MYL10: variants seen among roughly 807,000 people sequenced by gnomAD.
MYL10 encodes myosin regulatory light chain 10.
A neutral mutation model predicts 21.9 loss-of-function variants in MYL10; 18 were observed. That is an observed-to-expected ratio of 0.82 (90% CI 0.57 to 1.22). The LOEUF is 1.22. Among genes scored for constraint, MYL10 ranks in the 50% most tolerant of loss-of-function variants. The probability of loss-of-function intolerance (pLI) is 0.00; values close to 1 mark genes in which losing one functional copy is unlikely to be tolerated. For synonymous variants in MYL10, 88 were observed against 82.8 expected, an observed-to-expected ratio of 1.06 and a Z score of -0.34; for missense variants, 225 against 230.4, an observed-to-expected ratio of 0.98 and a Z score of 0.15.
In MYL10 at chr7:101,613,572, AC is replaced by A; in HGVS notation, c.583del (p.Val195SerfsTer51). 6.2e-7 allele frequency: 1 copy of A among 1,614,060 alleles called. No homozygotes were observed. The highest frequency in any genetic ancestry group is 8.5e-7 in the Non-Finnish European group (1 of 1,179,966). ...GGGAAATGCTGCAAACATCTGCTTGACCTGAGAAGGAGCAGAGAGTCAGCCT... is the reference window on the plus strand; with the variant it reads ...GGGAAATGCTGCAAACATCTGCTTGACTGAGAAGGAGCAGAGAGTCAGCCT... ...TQADRFSEEEVKQMFAAFPPD... is the reference protein window; with the variant it reads ...TQADRFSEEEXKQMFAAFPPD... On this transcript the variant is annotated frameshift_variant and splice_region_variant, in exon 8 of 8. Coordinates refer to ENST00000223167, the MANE Select transcript of MYL10 (RefSeq NM_138403.5). LOFTEE classifies it high-confidence loss of function.
chr7:101,616,773 C>T (rs116585240), intron 5 of MYL10, among the ~76,000 whole-genome samples: 87 of 152,206 alleles, frequency 5.7e-4, no homozygotes, highest in African/African-American at 2.0e-3. Flanking sequence ...GAGTTCTGTA[C>T]GTGGATGCCA....
chr7:101,618,754 C>T lies in MYL10; in HGVS notation c.455-2456G>A, dbSNP rs922588315. Among the ~76,000 whole-genome samples, 8 of 152,082 alleles carry T rather than the reference C, an allele frequency of 5.3e-5. No individual in the cohort carries two copies. In the Middle Eastern group the frequency reaches 0.017, roughly 323 times the overall value. The stretch of plus-strand genomic sequence containing the variant: ...ACCAGCCTCTCACGCAGTCTGGCCA[C>T]GTCTGCATGACAGGCTCAGCCGGAG... On this transcript the variant is annotated intron_variant, in intron 5 of 7. Coordinates refer to ENST00000223167, the MANE Select transcript of MYL10 (RefSeq NM_138403.5).
Position 101,613,471 on chromosome 7 carries a change from T to C in MYL10, c.*4A>G. 6.2e-7 allele frequency: 1 copy of C among 1,612,828 alleles called. No homozygotes were observed. Among genetic ancestry groups the C allele is most frequent in the Non-Finnish European group, 8.5e-7 (1 of 1,178,842 alleles). On this transcript the variant is annotated 3_prime_UTR_variant, in exon 8 of 8. Transcript: ENST00000223167. ...CCCTGAATGTCGGGGAGACTTGTGA[T>C]CCCCTAATCCTTCTCTTCACCGTGA...
At chr7:101,625,712 T>C (rs1023415121) in intron 1 of MYL10, among the ~76,000 whole-genome samples, 2 of 152,224 alleles carry the variant, frequency 1.3e-5, no homozygotes, top group African/African-American at 4.8e-5. Context: ...GACGTTATGA[T>C]GCTGTAAAAC....
chr7:101,615,861 AT>A (rs1257901380), intron 6 of MYL10, among the ~76,000 whole-genome samples: 1 of 150,914 alleles, frequency 6.6e-6, no homozygotes, highest in Non-Finnish European at 1.5e-5. Flanking sequence ...TGCCTGGCTA[AT>A]TTTTTTTATT....
At chr7:101,614,326 T>G (rs1796584398) in intron 6 of MYL10, among the ~76,000 whole-genome samples, 1 of 152,220 alleles carries the variant, frequency 6.6e-6, no homozygotes, top group Non-Finnish European at 1.5e-5. Flanking sequence ...CAGGCCTCGC[T>G]AAGGACCAAT....
intron 5 of MYL10, among the ~76,000 whole-genome samples, chr7:101,618,948 T>C (rs1387991423): frequency 3.3e-5 from 5 of 152,142 alleles, no homozygotes; most frequent in Admixed American, 3.3e-4. Flanking sequence ...CAGAGTCCCC[T>C]CCCCTTCCCC....
At chr7:101,624,386 A>G (rs1796720648) in intron 1 of MYL10, 122 bp from the exon 2 acceptor site, 1 of 667,280 alleles carries the variant, frequency 1.5e-6, no homozygotes, top group Non-Finnish European at 2.6e-6. Context: ...CCCGGTGCCT[A>G]CAGCAGACAG....
chr7:101,626,346 C>G (rs2130745070), intron 1 of MYL10, among the ~76,000 whole-genome samples: 1 of 152,318 alleles, frequency 6.6e-6, no homozygotes, highest in East Asian at 1.9e-4. Flanking sequence ...AGATCACAGT[C>G]CCGCTGGTGA....
chr7:101,626,592 T>C lies in MYL10; in HGVS notation c.79-2328A>G, dbSNP rs185524996. The stretch of plus-strand genomic sequence containing the variant: ...GCAGGAACCCAGAGCAAGCCCTGCG[T>C]CACATGAGGTGCACAGGCAAAGGTG... On this transcript the variant is annotated intron_variant, in intron 1 of 7. Coordinates refer to ENST00000223167, the MANE Select transcript of MYL10 (RefSeq NM_138403.5). 4.6e-3 allele frequency among the ~76,000 whole-genome samples: 695 copies of C among 152,190 alleles called. 4 individuals carry two copies. The highest frequency in any genetic ancestry group is 0.016 in the African/African-American group (667 of 41,526).
At chr7:101,624,447 A>G (rs1796721275) in intron 1 of MYL10, among the ~76,000 whole-genome samples, 183 bp from the exon 2 acceptor site, 1 of 152,102 alleles carries the variant, frequency 6.6e-6, no homozygotes. Flanking sequence ...TTCCCAGCCC[A>G]TGGCAAGAAG....
At chr7:101,621,152 C>T (rs551388097) in intron 5 of MYL10, among the ~76,000 whole-genome samples, 2 of 152,126 alleles carry the variant, frequency 1.3e-5, no homozygotes, top group Admixed American at 6.5e-5. Context: ...AGAGCTCCCC[C>T]GAGGCCAGGA....
chr7:101,617,373 A>G lies in MYL10; in HGVS notation c.455-1075T>C, dbSNP rs143238873. On this transcript the variant is annotated intron_variant, in intron 5 of 7. Transcript: ENST00000223167. ...ATCCCCTGGAGCTCTGAGAGCACCC[A>G]TGGAGTAGATGTGGATATCTTGGTT... Among the ~76,000 whole-genome samples the G allele has an allele frequency of 7.1e-4, 108 of 152,376 alleles. 1 individual carries two copies. Among genetic ancestry groups the G allele is most frequent in the African/African-American group, 1.0e-3 (42 of 41,608 alleles).
intron 1 of MYL10, among the ~76,000 whole-genome samples, chr7:101,628,768 G>T (rs1796774859): frequency 6.6e-6 from 1 of 152,234 alleles, no homozygotes; most frequent in Non-Finnish European, 1.5e-5. Context: ...GGTCCCCAGG[G>T]GCTGGAGAGC....
At chr7:101,627,653 T>A (rs1197219683) in intron 1 of MYL10, 1 of 152,496 alleles carries the variant, frequency 6.6e-6, no homozygotes, top group African/African-American at 2.4e-5. Context: ...TCAGAGTGGA[T>A]AGGGTTGGGG....
At chr7:101,622,830 C>A (rs1335184176) in intron 4 of MYL10, among the ~76,000 whole-genome samples, 167 bp downstream of exon 4, 1 of 152,106 alleles carries the variant, frequency 6.6e-6, no homozygotes, top group Non-Finnish European at 1.5e-5. Context: ...TTCTCCAACC[C>A]CCCAGGAAGG....
intron 6 of MYL10, 40 bp downstream of exon 6, chr7:101,616,180 T>G: frequency 6.3e-7 from 1 of 1,583,802 alleles, no homozygotes; most frequent in Non-Finnish European, 8.7e-7. Flanking sequence ...AAAGCTGGCT[T>G]ATTCCCCTGA....
chr7:101,623,009 A>C lies in MYL10; in HGVS notation c.337T>G (p.Phe113Val), dbSNP rs1022040453. The C allele has an allele frequency of 7.4e-6, 12 of 1,613,826 alleles. No individual in the cohort carries two copies. Among genetic ancestry groups the C allele is most frequent in the Non-Finnish European group, 9.3e-6 (11 of 1,179,990 alleles). The change falls in exon 4 of 8, where the codon TTT (phenylalanine) becomes GTT (valine). Residue 113 changes from phenylalanine (F) to valine (V), a missense_variant. Phe to Val is a conservative substitution (Grantham distance 50). Transcript: ENST00000223167. ...FIDKEDLRDT[F>V]AALGRINVKN... ...CTGGCTCACCCACCCAGCGCGGCAAAGGTGTCCCTCAAGTCCTCTTTGTCG... is the reference window on the plus strand; with the variant it reads ...CTGGCTCACCCACCCAGCGCGGCAACGGTGTCCCTCAAGTCCTCTTTGTCG...
At chr7:101,614,472 A>G (rs1796585669) in intron 6 of MYL10, among the ~76,000 whole-genome samples, 1 of 152,218 alleles carries the variant, frequency 6.6e-6, no homozygotes, top group South Asian at 2.1e-4. Context: ...GCAGCCACAG[A>G]TCCAGGTCCC....
Sources: gnomAD v4.1 joint callset for allele counts (sites outside exome capture counted in the v4.1 genomes callset) on GRCh38, gnomAD v4.1.1 for gene constraint, MANE v1.5 for transcripts, NCBI Gene and HGNC (gene_info 2026-07-23, HGNC 2026-07-21) for gene names.